The following SPIRE1 variants were observed in gnomAD, a reference collection of about 807,000 sequenced individuals.
The protein encoded by SPIRE1 is protein spire homolog 1.
SPIRE1 carries 40 observed loss-of-function variants against 94.1 expected under a neutral mutation model. That is an observed-to-expected ratio of 0.43 (90% CI 0.33 to 0.55). The LOEUF is 0.55. SPIRE1 is among the 20% of genes least tolerant of loss of function. The pLI is 0.06. For missense variants in SPIRE1, 838 were observed against 975.2 expected (o/e 0.86, Z 1.87); for synonymous variants, 376 against 371.7 (o/e 1.01, Z -0.13).
intron 4 of SPIRE1, among the ~76,000 whole-genome samples, chr18:12,522,977 C>T (rs1303985521): frequency 6.6e-6 from 1 of 152,132 alleles, no homozygotes. Context: ...TTAAGAACTA[C>T]ATTTTGTAAG....
chr18:12,464,077 T>A (rs1184400766), intron 11 of SPIRE1, among the ~76,000 whole-genome samples: 1 of 152,168 alleles, frequency 6.6e-6, no homozygotes, highest in Non-Finnish European at 1.5e-5. Context: ...ATCTACAGAG[T>A]AGAGCTGCTT....
chr18:12,579,110 C>T (rs1010248574), intron 2 of SPIRE1, among the ~76,000 whole-genome samples: 1 of 150,692 alleles, frequency 6.6e-6, no homozygotes, highest in Non-Finnish European at 1.5e-5. Context: ...AAAAAAAACC[C>T]AAAAACCATC....
chr18:12,528,185 C>T (rs552998080), intron 4 of SPIRE1, among the ~76,000 whole-genome samples: 8 of 152,210 alleles, frequency 5.3e-5, no homozygotes, highest in Admixed American at 2.6e-4. Context: ...AGGAGACATA[C>T]CTAAAAAGAC....
intron 2 of SPIRE1, among the ~76,000 whole-genome samples, chr18:12,628,150 T>C (rs529857344): frequency 5.3e-5 from 8 of 152,358 alleles, no homozygotes; most frequent in African/African-American, 1.2e-4. Flanking sequence ...CTGAATAGTA[T>C]TGCCTAGATT....
At chr18:12,496,184 A>G in intron 6 of SPIRE1, 82 bp from the exon 7 acceptor site, 1 of 903,114 alleles carries the variant, frequency 1.1e-6, no homozygotes, top group Non-Finnish European at 1.8e-6. Flanking sequence ...TATCTCAAAT[A>G]TGCCATAAAA....
intron 3 of SPIRE1, among the ~76,000 whole-genome samples, chr18:12,538,568 A>T (rs1209135730): frequency 6.6e-6 from 1 of 152,118 alleles, no homozygotes; most frequent in Non-Finnish European, 1.5e-5. Flanking sequence ...ATAGGCTGGT[A>T]ACTCCTCAAC....
chr18:12,630,656 C>G (rs1391402027), intron 2 of SPIRE1, among the ~76,000 whole-genome samples: 4 of 152,080 alleles, frequency 2.6e-5, no homozygotes, highest in Non-Finnish European at 4.4e-5. Context: ...GACTCTGTCT[C>G]AAAAAATAAT....
At chr18:12,603,280 C>G (rs1229940910) in intron 2 of SPIRE1, among the ~76,000 whole-genome samples, 1 of 152,146 alleles carries the variant, frequency 6.6e-6, no homozygotes, top group Non-Finnish European at 1.5e-5. Flanking sequence ...GTCGAAAAAT[C>G]TTAACTTGAA....
rs2031332163 is a variant in SPIRE1, at chr18:12,453,220, C to T, written c.1777-82G>A. On this transcript the variant is annotated intron_variant, in intron 13 of 16. Transcript: ENST00000409402. ...ATCCATGTTTGAATATGCTTTACAT[C>T]TATATATAGGGGAAGCTGAACAGAC... is the stretch of plus-strand genomic sequence containing the variant. 3.3e-6 allele frequency: 3 copies of T among 899,422 alleles called. No individual in the cohort carries two copies. In the South Asian group the frequency reaches 4.7e-5, roughly 14 times the overall value. The allele number at this position is 899,422 out of a possible 1,614,324, so 55.7% of individuals were successfully genotyped here.
intron 2 of SPIRE1, among the ~76,000 whole-genome samples, chr18:12,555,018 G>C (rs932643097): frequency 6.6e-6 from 1 of 151,974 alleles, no homozygotes; most frequent in Non-Finnish European, 1.5e-5. Flanking sequence ...TTGCCTAACC[G>C]ACCACCTACT....
intron 2 of SPIRE1, among the ~76,000 whole-genome samples, chr18:12,550,064 A>G (rs1262817775): frequency 1.3e-5 from 2 of 152,196 alleles, no homozygotes; most frequent in African/African-American, 4.8e-5. Context: ...TTTCAAATGT[A>G]CAAACTGATA....
At chr18:12,643,024 T>G (rs544577580) in intron 1 of SPIRE1, among the ~76,000 whole-genome samples, 1 of 152,264 alleles carries the variant, frequency 6.6e-6, no homozygotes, top group African/African-American at 2.4e-5. Context: ...ATAATAAAAA[T>G]GTGTAACTTA....
Position 12,521,478 on chromosome 18 carries a change from C to T in SPIRE1, c.730-8947G>A, listed in dbSNP as rs534785235. Among the ~76,000 whole-genome samples, 10 of 151,910 alleles carry T rather than the reference C, an allele frequency of 6.6e-5. 1 individual carries two copies. In the South Asian group the frequency reaches 1.0e-3, roughly 16 times the overall value. ...CCTCCCGAGTAGCTGGGATTATAGGCGTGCACCACCACACCTGGCTAATTT... is the reference window on the plus strand; with the variant it reads ...CCTCCCGAGTAGCTGGGATTATAGGTGTGCACCACCACACCTGGCTAATTT... On this transcript the variant is annotated intron_variant, in intron 4 of 16. Coordinates refer to ENST00000409402, the MANE Select transcript of SPIRE1 (RefSeq NM_001128626.2).
At chr18:12,464,125 G>A (rs1227284640) in intron 11 of SPIRE1, among the ~76,000 whole-genome samples, 1 of 152,136 alleles carries the variant, frequency 6.6e-6, no homozygotes, top group Non-Finnish European at 1.5e-5. Context: ...TCAACACAAA[G>A]TTACATATGA....
At chr18:12,623,433 G>A (rs529449355) in intron 2 of SPIRE1, among the ~76,000 whole-genome samples, 58 of 152,242 alleles carry the variant, frequency 3.8e-4, no homozygotes, top group African/African-American at 1.4e-3. Context: ...GATTACAGGT[G>A]TAAGCCACTG....
chr18:12,505,017 T>C (rs1222242616), intron 6 of SPIRE1, among the ~76,000 whole-genome samples: 1 of 152,164 alleles, frequency 6.6e-6, no homozygotes, highest in Non-Finnish European at 1.5e-5. Flanking sequence ...AGAGGTAACC[T>C]GGATCCAGCC....
intron 2 of SPIRE1, among the ~76,000 whole-genome samples, chr18:12,584,920 C>A (rs2036353129): frequency 6.6e-6 from 1 of 152,160 alleles, no homozygotes; most frequent in Admixed American, 6.5e-5. Context: ...GCTGTCCTGC[C>A]TCAGCCTCCT....
At chr18:12,584,835 A>C (rs2144554575) in intron 2 of SPIRE1, among the ~76,000 whole-genome samples, 1 of 152,244 alleles carries the variant, frequency 6.6e-6, no homozygotes, top group African/African-American at 2.4e-5. Flanking sequence ...GCTGGAGTGC[A>C]GTGGCGCGAT....
At chr18:12,518,497 C>CA (rs200732278) in intron 4 of SPIRE1, among the ~76,000 whole-genome samples, 16,088 of 147,242 alleles carry the variant, frequency 0.11, 1,178 homozygotes, top group Middle Eastern at 0.22. Flanking sequence ...GTCTCACACA[C>CA]ACAAAAAAAA....
Sources: gnomAD v4.1 joint callset for allele counts (sites outside exome capture counted in the v4.1 genomes callset) on GRCh38, gnomAD v4.1.1 for gene constraint, MANE v1.5 for transcripts, NCBI Gene and HGNC (gene_info 2026-07-23, HGNC 2026-07-21) for gene names.